The following MGAT4C variants were observed in gnomAD, a reference collection of about 807,000 sequenced individuals.
MGAT4C encodes the protein MGAT4 family member C.
A neutral mutation model predicts 40.1 loss-of-function variants in MGAT4C; 19 were observed. The observed-to-expected ratio is 0.47, with a 90% CI of 0.33 to 0.70. MGAT4C has a LOEUF of 0.70. Among genes scored for constraint, MGAT4C ranks in the 30% least tolerant of loss-of-function variants. The pLI, the probability that MGAT4C is intolerant of heterozygous loss-of-function variation, is 0.02. For missense variants in MGAT4C, 491 were observed against 563.2 expected (o/e 0.87, Z 1.30); for synonymous variants, 181 against 187.1 (o/e 0.97, Z 0.27).
At chr12:86,103,041 G>A (rs533471093) in intron 1 of MGAT4C, among the ~76,000 whole-genome samples, 2 of 152,210 alleles carry the variant, frequency 1.3e-5, no homozygotes, top group Admixed American at 1.3e-4. Context: ...AAGAAGAGCT[G>A]CATTTCAAGT....
chr12:85,996,389 A>G (rs1886624140), intron 2 of MGAT4C, among the ~76,000 whole-genome samples: 1 of 152,220 alleles, frequency 6.6e-6, no homozygotes, highest in Non-Finnish European at 1.5e-5. Flanking sequence ...ATACAACGGT[A>G]GAAATAATAC....
In MGAT4C at chr12:86,369,013, C is replaced by T. The variant is rs570716873; in HGVS notation, c.-119-34886G>A. ...TGTATTGTCTATTTATTATTTCAGA[C>T]GTCAATATTTGCTTTATCTATTGAG... On this transcript the variant is annotated intron_variant, in intron 3 of 7. Transcript: ENST00000548651. Among the ~76,000 whole-genome samples, 314 of 151,656 alleles carry T rather than the reference C, an allele frequency of 2.1e-3. 1 individual carries two copies. The highest frequency in any genetic ancestry group is 0.01 in the Middle Eastern group (3 of 294).
intron 3 of MGAT4C, among the ~76,000 whole-genome samples, chr12:86,354,059 A>G (rs997939848): frequency 6.6e-6 from 1 of 152,174 alleles, no homozygotes; most frequent in African/African-American, 2.4e-5. Context: ...GTTCGAAAAA[A>G]CTTTGATATG....
chr12:86,717,551 G>C (rs1418099076), intron 2 of MGAT4C, among the ~76,000 whole-genome samples: 1 of 152,016 alleles, frequency 6.6e-6, no homozygotes, highest in African/African-American at 2.4e-5. Flanking sequence ...ATTTTTTCCT[G>C]ATAAGTATTT....
chr12:86,260,743 G>T (rs1190115026), upstream of MGAT4C, among the ~76,000 whole-genome samples: 1 of 151,972 alleles, frequency 6.6e-6, no homozygotes, highest in Non-Finnish European at 1.5e-5. Flanking sequence ...CCTGAACAAT[G>T]TTGTCTAACT....
chr12:86,735,839 C>T (rs1049105501), intron 1 of MGAT4C, among the ~76,000 whole-genome samples: 6 of 151,902 alleles, frequency 3.9e-5, no homozygotes, highest in African/African-American at 1.4e-4. Flanking sequence ...TATCCTTAAT[C>T]TCTTCCTTGA....
chr12:86,562,123 G>A, intron 2 of MGAT4C, among the ~76,000 whole-genome samples: 1 of 152,170 alleles, frequency 6.6e-6, no homozygotes, highest in Non-Finnish European at 1.5e-5. Context: ...TGGACAAAGT[G>A]ATGAAAGAAA....
At chr12:86,568,588 A>G (rs1311431544) in intron 2 of MGAT4C, among the ~76,000 whole-genome samples, 1 of 147,218 alleles carries the variant, frequency 6.8e-6, no homozygotes, top group Non-Finnish European at 1.5e-5. Context: ...CTCTCCCTCT[A>G]GAGAACCCTA....
chr12:86,623,110 T>G (rs1476012534), intron 2 of MGAT4C, among the ~76,000 whole-genome samples: 1 of 152,120 alleles, frequency 6.6e-6, no homozygotes, highest in Non-Finnish European at 1.5e-5. Flanking sequence ...TGGAACAGCT[T>G]CAATTGGCCT....
At chr12:86,527,486 T>C (rs1186685848) in intron 2 of MGAT4C, among the ~76,000 whole-genome samples, 1 of 152,184 alleles carries the variant, frequency 6.6e-6, no homozygotes, top group African/African-American at 2.4e-5. Flanking sequence ...GGGTATTTTG[T>C]GGTTTCATAT....
chr12:86,708,291 T>C (rs1236424141), intron 2 of MGAT4C, among the ~76,000 whole-genome samples: 1 of 152,202 alleles, frequency 6.6e-6, no homozygotes, highest in East Asian at 1.9e-4. Flanking sequence ...TTCCAAGTGG[T>C]GTGGAGCCTG....
At chr12:86,782,274 C>T (rs1216446718) in intron 1 of MGAT4C, among the ~76,000 whole-genome samples, 6 of 148,710 alleles carry the variant, frequency 4.0e-5, no homozygotes, top group African/African-American at 9.9e-5. Flanking sequence ...CTCCGCCTCC[C>T]GGGTTCACGC....
intron 1 of MGAT4C, among the ~76,000 whole-genome samples, chr12:86,126,236 A>G (rs555982747): frequency 6.6e-6 from 1 of 152,100 alleles, no homozygotes; most frequent in Admixed American, 6.5e-5. Flanking sequence ...CTTTAAAAAT[A>G]AAGTGTCTCA....
intron 1 of MGAT4C, among the ~76,000 whole-genome samples, chr12:86,227,790 T>C (rs1317006250): frequency 1.3e-5 from 2 of 151,914 alleles, no homozygotes; most frequent in East Asian, 3.9e-4. Flanking sequence ...AACATCATTT[T>C]GTGTCTATGA....
intron 1 of MGAT4C, among the ~76,000 whole-genome samples, chr12:86,235,675 T>C (rs1362988650): frequency 6.6e-6 from 1 of 152,046 alleles, no homozygotes; most frequent in Non-Finnish European, 1.5e-5. Context: ...TTAGATCTAT[T>C]CTCAGAAAGT....
chr12:86,679,611 T>A (rs1949943387), intron 2 of MGAT4C, among the ~76,000 whole-genome samples: 1 of 152,036 alleles, frequency 6.6e-6, no homozygotes, highest in South Asian at 2.1e-4. Context: ...TGGAGGTGAT[T>A]AAGTCATGAG....
At chr12:86,357,030 G>A (rs1955330426) in intron 3 of MGAT4C, among the ~76,000 whole-genome samples, 2 of 152,178 alleles carry the variant, frequency 1.3e-5, no homozygotes, top group Non-Finnish European at 2.9e-5. Context: ...CTCCTCAAGT[G>A]TGTCCCTGAC....
chr12:86,463,477 C>T (rs532391262), intron 2 of MGAT4C, among the ~76,000 whole-genome samples: 1 of 152,056 alleles, frequency 6.6e-6, no homozygotes, highest in East Asian at 1.9e-4. Context: ...TGTTATTGCC[C>T]TGGCCAAGGA....
At chr12:86,431,885 T>C (rs906563491) in intron 3 of MGAT4C, among the ~76,000 whole-genome samples, 1 of 152,130 alleles carries the variant, frequency 6.6e-6, no homozygotes, top group African/African-American at 2.4e-5. Context: ...TATAGGGTTG[T>C]GCTGTAAGAT....
Sources: gnomAD v4.1 joint callset for allele counts (sites outside exome capture counted in the v4.1 genomes callset) on GRCh38, gnomAD v4.1.1 for gene constraint, MANE v1.5 for transcripts, NCBI Gene and HGNC (gene_info 2026-07-23, HGNC 2026-07-21) for gene names.